Variants in DNTT observed in about 807,000 individuals in gnomAD.
DNTT encodes DNA nucleotidylexotransferase.
In DNTT, 47 loss-of-function variants were observed where a neutral mutation model predicts 60.9. That is an observed-to-expected ratio of 0.77 (90% CI 0.61 to 0.98). The LOEUF is 0.98. DNTT is among the 50% of genes least tolerant of loss of function. The pLI is 0.00. For synonymous variants in DNTT, 224 were observed against 221.2 expected, an observed-to-expected ratio of 1.01 and a Z score of -0.11; for missense variants, 665 against 627.5, an observed-to-expected ratio of 1.06 and a Z score of -0.64.
chr10:96,324,570 G>A (rs1844918902), intron 6 of DNTT, among the ~76,000 whole-genome samples, 181 bp downstream of exon 6: 1 of 152,180 alleles, frequency 6.6e-6, no homozygotes, highest in Non-Finnish European at 1.5e-5. Context: ...GAGCAAGTTG[G>A]TTAAAACCTT....
intron 10 of DNTT, 119 bp downstream of exon 10, chr10:96,336,093 A>C (rs1317911266): frequency 1.1e-5 from 11 of 977,224 alleles, no homozygotes; most frequent in African/African-American, 1.6e-5. Flanking sequence ...TGCGTGTTCT[A>C]TTTCCAGTTC....
At chr10:96,322,540 G>A in intron 4 of DNTT, 117 bp from the exon 5 acceptor site, 2 of 629,778 alleles carry the variant, frequency 3.2e-6, no homozygotes, top group Non-Finnish European at 5.3e-6. Flanking sequence ...AAATACCCCT[G>A]CATGTGATGC....
intron 9 of DNTT, among the ~76,000 whole-genome samples, chr10:96,333,332 G>A (rs978519931): frequency 6.6e-6 from 1 of 152,204 alleles, no homozygotes; most frequent in Admixed American, 6.5e-5. Flanking sequence ...TGTTAGTGAG[G>A]CTGTGGAGAA....
chr10:96,307,703 G>GTATATATATATATATA (rs1344781767), intron 1 of DNTT, among the ~76,000 whole-genome samples: 15 of 35,290 alleles, frequency 4.3e-4, no homozygotes, highest in African/African-American at 1.1e-3. Context: ...GTGTGTGTGT[G>GTATATATATATATATA]TGTATATATA....
chr10:96,327,930 C>T (rs1394731306), intron 7 of DNTT, among the ~76,000 whole-genome samples: 1 of 152,226 alleles, frequency 6.6e-6, no homozygotes, highest in African/African-American at 2.4e-5. Context: ...TTGACTCCCT[C>T]TTTCTCCATG....
chr10:96,326,222 T>A (rs1028997892), intron 6 of DNTT, among the ~76,000 whole-genome samples: 1 of 152,210 alleles, frequency 6.6e-6, no homozygotes, highest in Non-Finnish European at 1.5e-5. Flanking sequence ...ATGATGACAG[T>A]TTCTGTATTA....
chr10:96,327,701 C>T, intron 7 of DNTT, 101 bp downstream of exon 7: 1 of 1,503,218 alleles, frequency 6.7e-7, no homozygotes. Flanking sequence ...TGATCTGGTG[C>T]CAGCTTCTTT....
chr10:96,311,971 C>A (rs1255832869), intron 1 of DNTT, among the ~76,000 whole-genome samples: 1 of 152,226 alleles, frequency 6.6e-6, no homozygotes, highest in South Asian at 2.1e-4. Context: ...TGTCCCTAAA[C>A]TGACTCATTT....
At chr10:96,309,681 C>T (rs561892399) in intron 1 of DNTT, among the ~76,000 whole-genome samples, 104 of 152,122 alleles carry the variant, frequency 6.8e-4, no homozygotes, top group African/African-American at 2.4e-3. Flanking sequence ...TATTTTTTTC[C>T]ACCTGAATGT....
At chr10:96,336,769 C>G (rs1296708441) in intron 10 of DNTT, among the ~76,000 whole-genome samples, 1 of 151,816 alleles carries the variant, frequency 6.6e-6, no homozygotes, top group Admixed American at 6.6e-5. Flanking sequence ...TGGTGAAACC[C>G]CATCTCTACT....
rs1038520972 is a variant in DNTT at position 96,338,070 on chromosome 10, T to C, written c.1444-68T>C. 15 of 1,374,192 alleles carry C rather than the reference T, an allele frequency of 1.1e-5. No homozygotes were observed. The African/African-American group carries it at 1.7e-4, about 16-fold the overall frequency. 85.1% of individuals were successfully genotyped at this position (1,374,192 alleles called of 1,614,324 possible). ...CAAGGCAATTTTATAAGTAACACTT[T>C]CACTGTGTCCACACCATGGTGCTTA... On this transcript the variant is annotated intron_variant, in intron 10 of 10. Transcript: ENST00000371174.
rs774263475 is a variant in DNTT at position 96,335,944 on chromosome 10, G to C, written c.1413G>C (p.Leu471=). The C allele has an allele frequency of 1.1e-5, 18 of 1,614,068 alleles. No individual in the cohort carries two copies. The highest frequency in any genetic ancestry group is 1.5e-5 in the Non-Finnish European group (18 of 1,180,038). The part of the protein sequence containing the change: ...RYATHERKMI[L]DNHALYDKTK... ...CCACACATGAGCGGAAGATGATTCT[G>C]GATAACCATGCTTTATATGACAAGA... Residue 471 remains leucine (L), a synonymous_variant, in exon 10 of 11, where the codon CTG becomes CTC. Coordinates refer to ENST00000371174, the MANE Select transcript of DNTT (RefSeq NM_004088.4).
Position 96,318,667 on chromosome 10 carries a change from G to T in DNTT, c.378+141G>T, listed in dbSNP as rs373070697. 61 of 948,690 alleles carry T rather than the reference G, an allele frequency of 6.4e-5. No individual in the cohort carries two copies. The African/African-American group carries it at 9.3e-4, about 14-fold the overall frequency. 58.8% of individuals were successfully genotyped at this position (948,690 alleles called of 1,614,324 possible). ...TGGGCAAGTCACTTAGCTTTACTGAGCTTCAGTCTCTTCCTTTATAATATG... is the reference window on the plus strand; with the variant it reads ...TGGGCAAGTCACTTAGCTTTACTGATCTTCAGTCTCTTCCTTTATAATATG... On this transcript the variant is annotated intron_variant, in intron 2 of 10. Transcript: ENST00000371174.
In DNTT at chr10:96,320,723, A is replaced by G. The variant is rs1057335455; in HGVS notation, c.613A>G (p.Ile205Val). 22 of 1,613,776 alleles carry G rather than the reference A, an allele frequency of 1.4e-5. No homozygotes were observed. Among genetic ancestry groups the G allele is most frequent in the Non-Finnish European group, 1.9e-5 (22 of 1,179,832 alleles). Residue 205 changes from isoleucine to valine, a missense_variant, in exon 4 of 11, where the codon ATC becomes GTC. Transcript: ENST00000371174. ...TGTATTGAAATCTCTGCCATTCACA[A>G]TCATCAGTATGAAGGACACAGAAGG... The part of the protein sequence containing the change: ...ASVLKSLPFT[I>V]ISMKDTEGIP...
At chr10:96,320,536 G>A in intron 3 of DNTT, 82 bp from the exon 4 acceptor site, 1 of 1,503,378 alleles carries the variant, frequency 6.7e-7, no homozygotes, top group Non-Finnish European at 9.1e-7. Flanking sequence ...AATATTTAAA[G>A]GAGAGCAAGA....
In DNTT at chr10:96,338,240, A is replaced by AT. The variant is rs1219420720; in HGVS notation, c.*23dup. On this transcript the variant is annotated 3_prime_UTR_variant, in exon 11 of 11. Coordinates refer to ENST00000371174, the MANE Select transcript of DNTT (RefSeq NM_004088.4). ...AAATGCCTAGGAAAGTGTTGTCAAC[A>AT]TTTTTTTCCTATTCTTTTCAAGTTA... 1.3e-6 allele frequency: 2 copies of AT among 1,598,086 alleles called. No individual in the cohort carries two copies. Among genetic ancestry groups the AT allele is most frequent in the Non-Finnish European group, 1.7e-6 (2 of 1,173,680 alleles).
chr10:96,329,628 A>T (rs1013242839), intron 8 of DNTT, among the ~76,000 whole-genome samples: 3 of 152,214 alleles, frequency 2.0e-5, no homozygotes, highest in African/African-American at 7.2e-5. Flanking sequence ...TAAAGTGAAA[A>T]TAAAAGCTAG....
intron 9 of DNTT, among the ~76,000 whole-genome samples, chr10:96,334,562 A>G (rs1423583183): frequency 6.6e-6 from 1 of 152,182 alleles, no homozygotes; most frequent in African/African-American, 2.4e-5. Context: ...ACACAAATTA[A>G]TTGTTCTCAG....
chr10:96,318,228 C>CTATGGTT, intron 1 of DNTT, 124 bp from the exon 2 acceptor site: 1 of 1,146,862 alleles, frequency 8.7e-7, no homozygotes, highest in Non-Finnish European at 1.2e-6. Flanking sequence ...ATTCTCCACA[C>CTATGGTT]CTATGGTTAG....
Sources: gnomAD v4.1 joint callset for allele counts (sites outside exome capture counted in the v4.1 genomes callset) on GRCh38, gnomAD v4.1.1 for gene constraint, MANE v1.5 for transcripts, NCBI Gene and HGNC (gene_info 2026-07-23, HGNC 2026-07-21) for gene names.